GPHN: variants seen among roughly 807,000 people sequenced by gnomAD.
GPHN encodes the protein gephyrin.
A neutral mutation model predicts 95.5 loss-of-function variants in GPHN; 17 were observed. That is an observed-to-expected ratio of 0.18 (90% CI 0.12 to 0.27). GPHN has a LOEUF of 0.27. GPHN is among the 10% of genes least tolerant of loss of function. GPHN has a pLI of 1.00. For synonymous variants in GPHN, 320 were observed against 322.5 expected (o/e 0.99, Z 0.08); for missense variants, 660 against 978.1 (o/e 0.67, Z 4.34).
the GPHN span, chr14:67,381,762 CTTTT>C: frequency 1.2e-6 from 1 of 825,776 alleles, no homozygotes; most frequent in Non-Finnish European, 1.8e-6. Flanking sequence ...ATCTTTGTTT[CTTTT>C]TTTTTTTTTA....
the GPHN span, among the ~76,000 whole-genome samples, chr14:67,251,285 G>A: frequency 2.0e-5 from 3 of 152,186 alleles, no homozygotes; most frequent in Non-Finnish European, 2.9e-5. Context: ...TGAAATCCCA[G>A]TATTTTGGAG....
chr14:67,452,190 G>A, the GPHN span, among the ~76,000 whole-genome samples: 12 of 152,010 alleles, frequency 7.9e-5, no homozygotes, highest in East Asian at 7.7e-4. Context: ...AAATTAGCCG[G>A]GTGTGATGGT....
At chr14:66,961,900 G>GTATGTATATATATATA (rs2068929443) in intron 8 of GPHN, among the ~76,000 whole-genome samples, 5 of 52,958 alleles carry the variant, frequency 9.4e-5, no homozygotes, top group Non-Finnish European at 1.8e-4. Flanking sequence ...CCCTGAATGT[G>GTATGTATATATATATA]TATATATATA....
chr14:67,407,678 C>A, the GPHN span, among the ~76,000 whole-genome samples: 1 of 152,082 alleles, frequency 6.6e-6, no homozygotes, highest in East Asian at 1.9e-4. Context: ...TGGCCTCAAG[C>A]AATCCTCCCA....
chr14:67,612,570 A>C, the GPHN span, among the ~76,000 whole-genome samples: 1 of 152,086 alleles, frequency 6.6e-6, no homozygotes, highest in African/African-American at 2.4e-5. Flanking sequence ...CTTTTAAGCA[A>C]GGTACCTATA....
At position 66,824,578 on chromosome 14, in the gene GPHN, C is replaced by T. The variant is rs751324836; in HGVS notation, c.294+12C>T. The T allele has an allele frequency of 7.0e-6, 8 of 1,142,598 alleles. No individual in the cohort carries two copies. Among genetic ancestry groups the T allele is most frequent in the Non-Finnish European group, 1.1e-5 (8 of 749,644 alleles). 70.8% of individuals were successfully genotyped at this position (1,142,598 alleles called of 1,614,324 possible). A position where few individuals can be genotyped will look rare whatever the true frequency, so the allele number is the denominator to read the frequency against. ...ATGTCACTCCAGAGGTGAGATAGTA[C>T]ATGCCTTTTCATATTCAAGGATTAA... On this transcript the variant is annotated intron_variant, in intron 4 of 22. Transcript: ENST00000478722.
chr14:67,568,593 C>T, the GPHN span, among the ~76,000 whole-genome samples: 1 of 151,978 alleles, frequency 6.6e-6, no homozygotes, highest in African/African-American at 2.4e-5. Flanking sequence ...TACCCTGGAA[C>T]TTAAAAAACA....
chr14:66,979,424 A>G (rs1469184532), intron 9 of GPHN, among the ~76,000 whole-genome samples: 1 of 152,194 alleles, frequency 6.6e-6, no homozygotes, highest in Non-Finnish European at 1.5e-5. Flanking sequence ...GCTGCTTCAC[A>G]TTGCTCTTAT....
At chr14:66,961,317 G>A (rs1225179997) in intron 8 of GPHN, among the ~76,000 whole-genome samples, 2 of 151,822 alleles carry the variant, frequency 1.3e-5, no homozygotes, top group African/African-American at 4.8e-5. Context: ...ATGGAATTTT[G>A]GATTTCTCTA....
intron 1 of GPHN, among the ~76,000 whole-genome samples, chr14:66,673,683 T>C (rs984526122): frequency 1.3e-5 from 2 of 152,222 alleles, no homozygotes; most frequent in Non-Finnish European, 2.9e-5. Flanking sequence ...TTATTTCTTC[T>C]CTAACGCACT....
At chr14:67,199,414 T>G in the GPHN span, 1 of 1,613,798 alleles carries the variant, frequency 6.2e-7, no homozygotes, top group Non-Finnish European at 8.5e-7. Context: ...TGCTTTATGA[T>G]ACTTTCAGCG....
intron 1 of GPHN, among the ~76,000 whole-genome samples, chr14:66,650,068 G>A (rs1352842815): frequency 2.0e-5 from 3 of 149,710 alleles, no homozygotes; most frequent in African/African-American, 7.4e-5. Flanking sequence ...TGATGAGATA[G>A]CAGAAGACTC....
chr14:66,631,013 T>G (rs931220256), intron 1 of GPHN, among the ~76,000 whole-genome samples: 2 of 152,134 alleles, frequency 1.3e-5, no homozygotes, highest in African/African-American at 2.4e-5. Context: ...TGCCTGTAGT[T>G]TTTCTTTAAT....
intron 9 of GPHN, among the ~76,000 whole-genome samples, chr14:66,978,359 TC>T (rs1359287331): frequency 1.3e-5 from 2 of 152,200 alleles, no homozygotes; most frequent in African/African-American, 4.8e-5. Context: ...CAGTGAAACT[TC>T]CTTCAAAATT....
chr14:67,316,798 A>T, the GPHN span: 2 of 1,566,642 alleles, frequency 1.3e-6, no homozygotes, highest in Non-Finnish European at 8.7e-7. Flanking sequence ...TTTATCTTAA[A>T]TATTTTACCC....
At chr14:66,521,498 T>C (rs1005936458) in intron 1 of GPHN, among the ~76,000 whole-genome samples, 4 of 152,174 alleles carry the variant, frequency 2.6e-5, no homozygotes, top group African/African-American at 9.6e-5. Context: ...GGGTAATTTA[T>C]AAATAACAGA....
chr14:66,916,459 T>A (rs915152844), intron 6 of GPHN, among the ~76,000 whole-genome samples: 1 of 151,198 alleles, frequency 6.6e-6, no homozygotes, highest in Non-Finnish European at 1.5e-5. Flanking sequence ...GAAGCTCACC[T>A]GAGTTTTTGA....
chr14:67,575,459 G>C, the GPHN span: 7 of 1,603,078 alleles, frequency 4.4e-6, no homozygotes, highest in South Asian at 7.9e-5. Flanking sequence ...TACTATCGGA[G>C]CCATGAGGAC....
the GPHN span, among the ~76,000 whole-genome samples, chr14:67,514,553 C>T: frequency 6.6e-6 from 1 of 152,028 alleles, no homozygotes; most frequent in African/African-American, 2.4e-5. Context: ...GGGGAGAAGG[C>T]GGCGGGGTCA....
Sources: allele counts gnomAD v4.1 joint callset (sites outside exome capture counted in the v4.1 genomes callset), GRCh38; gene constraint gnomAD v4.1.1; transcripts MANE v1.5; gene names NCBI Gene and HGNC (gene_info 2026-07-23, HGNC 2026-07-21).